The following ZSWIM4 variants were observed in gnomAD, a reference collection of about 807,000 sequenced individuals.
The protein encoded by ZSWIM4 is zinc finger SWIM domain-containing protein 4.
In ZSWIM4, 62 loss-of-function variants were observed where a neutral mutation model predicts 102.5. That is an observed-to-expected ratio of 0.60 (90% CI 0.49 to 0.75). The LOEUF is 0.75. Ranked by LOEUF, ZSWIM4 falls within the 30% of genes least tolerant of loss-of-function variation. The pLI is 0.00. For synonymous variants in ZSWIM4, 652 were observed against 674.5 expected (o/e 0.97, Z 0.52); for missense variants, 1,280 against 1,529.6 (o/e 0.84, Z 2.72).
At chr19:13,822,894 G>C (rs763519130) in intron 10 of ZSWIM4, among the ~76,000 whole-genome samples, 1 of 151,656 alleles carries the variant, frequency 6.6e-6, no homozygotes, top group Non-Finnish European at 1.5e-5. Context: ...CAAGAGAATC[G>C]TTTGAACCCA....
intron 2 of ZSWIM4, among the ~76,000 whole-genome samples, chr19:13,804,338 C>T (rs770565160): frequency 4.1e-5 from 5 of 122,906 alleles, no homozygotes; most frequent in Non-Finnish European, 6.6e-5. Flanking sequence ...GGCATGGTGG[C>T]GCATGCCTGT....
chr19:13,823,292 G>A lies in ZSWIM4; in HGVS notation c.2061-54G>A, dbSNP rs954159482. The A allele has an allele frequency of 2.6e-6, 4 of 1,562,420 alleles. No individual in the cohort carries two copies. In the East Asian group the frequency reaches 6.8e-5, roughly 26 times the overall value. ...CCAGGAGGCTTCTCTGTCTCCTAGA[G>A]AGAATGGGGACAGCAGCCCCTCCTC... On this transcript the variant is annotated intron_variant, in intron 10 of 13. Coordinates refer to ENST00000590508, the MANE Select transcript of ZSWIM4 (RefSeq NM_001367834.3).
Position 13,817,295 on chromosome 19 carries a change from C to A in ZSWIM4, c.1611C>A (p.Leu537=), listed in dbSNP as rs759094179. 200 of 1,613,986 alleles carry A rather than the reference C, an allele frequency of 1.2e-4. 2 individuals carry two copies. In the South Asian group the frequency reaches 2.1e-3, roughly 17 times the overall value. Reference sequence around the variant, plus strand: ...ACCCCCTGGACCCCATTGGCTGCCTCTGCAGGGCGCTCCTGGAGGCCTGTC... The same window carrying A: ...ACCCCCTGGACCCCATTGGCTGCCTATGCAGGGCGCTCCTGGAGGCCTGTC... ...VGHPLDPIGC[L]CRALLEACRL... is the part of the protein sequence containing the mutation. The change falls in exon 8 of 14, where the codon CTC becomes CTA. Residue 537 remains leucine, a synonymous_variant. Transcript: ENST00000590508.
Position 13,799,938 on chromosome 19 carries a change from C to G in ZSWIM4, c.355+17C>G, listed in dbSNP as rs372638029. 1,079 of 1,603,260 alleles carry G rather than the reference C, an allele frequency of 6.7e-4. 11 individuals are homozygous for G. The Middle Eastern group carries it at 9.6e-3, about 14-fold the overall frequency. On this transcript the variant is annotated intron_variant, in intron 2 of 13. Transcript: ENST00000590508. Reference sequence around the variant, plus strand: ...TGCAAGTGGGTGAGTCTTTGTCCCCCACTCCTGCTGGGGAGGCCAGGAGGT... The same window carrying G: ...TGCAAGTGGGTGAGTCTTTGTCCCCGACTCCTGCTGGGGAGGCCAGGAGGT...
intron 3 of ZSWIM4, among the ~76,000 whole-genome samples, chr19:13,805,709 C>T (rs1568330025): frequency 6.6e-6 from 1 of 151,940 alleles, no homozygotes; most frequent in East Asian, 2.0e-4. Context: ...CAGGGGCTCA[C>T]ACCTGTAATC....
chr19:13,814,683 C>T lies in ZSWIM4; in HGVS notation c.1349C>T (p.Thr450Ile). Residue 450 changes from threonine to isoleucine, a missense_variant, in exon 7 of 14, where the codon ACT (threonine) becomes ATT (isoleucine). By Grantham distance (89) the Thr-to-Ile change is moderately conservative. Coordinates refer to ENST00000590508, the MANE Select transcript of ZSWIM4 (RefSeq NM_001367834.3). ...LTGSVGGDKP[T>I]FDPQGRPLWL... ...GGCAGCGTGGGTGGGGACAAACCGACTTTCGACCCCCAGGGCCGCCCACTG... is the reference window on the plus strand; with the variant it reads ...GGCAGCGTGGGTGGGGACAAACCGATTTTCGACCCCCAGGGCCGCCCACTG... The T allele has an allele frequency of 7.8e-7, 1 of 1,283,504 alleles. No homozygotes were observed. The highest frequency in any genetic ancestry group is 5.7e-5 in the East Asian group (1 of 17,686). The allele number at this position is 1,283,504 out of a possible 1,614,324, so 79.5% of individuals were successfully genotyped here. A position where few individuals can be genotyped will look rare whatever the true frequency, so the allele number is the denominator to read the frequency against.
chr19:13,814,015 A>G (rs1021647628), intron 6 of ZSWIM4, among the ~76,000 whole-genome samples: 1 of 151,672 alleles, frequency 6.6e-6, no homozygotes, highest in African/African-American at 2.4e-5. Context: ...TCAGTTTCCT[A>G]TCAATGTGAT....
chr19:13,814,751 A>G lies in ZSWIM4; in HGVS notation c.1417A>G (p.Thr473Ala). ...PFPTACARVD[T>A]LRAHGYPRQA... ...CCCCACTGCCTGTGCCCGTGTGGACACCCTGCGTGCCCACGGATACCCCCG... is the reference window on the plus strand; with the variant it reads ...CCCCACTGCCTGTGCCCGTGTGGACGCCCTGCGTGCCCACGGATACCCCCG... The change falls in exon 7 of 14, where the codon ACC becomes GCC. Residue 473 changes from threonine to alanine, a missense_variant. By Grantham distance (58) the Thr-to-Ala change is moderately conservative. Coordinates refer to ENST00000590508, the MANE Select transcript of ZSWIM4 (RefSeq NM_001367834.3). 1 of 1,288,292 alleles carries G rather than the reference A, an allele frequency of 7.8e-7. No homozygotes were observed. Among genetic ancestry groups the G allele is most frequent in the Middle Eastern group, 2.1e-4 (1 of 4,688 alleles). 79.8% of individuals were successfully genotyped at this position (1,288,292 alleles called of 1,614,324 possible). A position where few individuals can be genotyped will look rare whatever the true frequency, so the allele number is the denominator to read the frequency against.
intron 2 of ZSWIM4, among the ~76,000 whole-genome samples, chr19:13,800,127 G>A (rs2145253510): frequency 1.3e-5 from 2 of 148,884 alleles, no homozygotes; most frequent in African/African-American, 5.0e-5. Flanking sequence ...GAGTGCAGTG[G>A]CGCGATCTCG....
rs1158109249 is a variant in ZSWIM4 at position 13,831,006 on chromosome 19, G to C, written c.3277G>C (p.Gly1093Arg). 3.9e-5 allele frequency: 63 copies of C among 1,607,946 alleles called. No individual in the cohort carries two copies. Among genetic ancestry groups the C allele is most frequent in the Non-Finnish European group, 5.3e-5 (63 of 1,177,638 alleles). ...GGAGAACCTCAAACAGACCTACAAG[G>C]GCAAGAAGAAACTCATGCTTTTGGT... ...FLENLKQTYK[G>R]KKKLMLLVRE... The change falls in exon 14 of 14, where the codon GGC becomes CGC. Residue 1093 changes from glycine to arginine, a missense_variant. Coordinates refer to ENST00000590508, the MANE Select transcript of ZSWIM4 (RefSeq NM_001367834.3).
rs1214847398 is a variant in ZSWIM4, at chr19:13,830,180, C to T, written c.2462-11C>T. ...GCTCCTGACGGATTTCCCTCCCTCACCTCCCACCAGGCCCGCAAGCCCTGA... is the reference window on the plus strand; with the variant it reads ...GCTCCTGACGGATTTCCCTCCCTCATCTCCCACCAGGCCCGCAAGCCCTGA... On this transcript the variant is annotated splice_polypyrimidine_tract_variant and intron_variant, in intron 13 of 13. Coordinates refer to ENST00000590508, the MANE Select transcript of ZSWIM4 (RefSeq NM_001367834.3). 1.2e-6 allele frequency: 2 copies of T among 1,602,792 alleles called. No individual in the cohort carries two copies. Among genetic ancestry groups the T allele is most frequent in the African/African-American group, 1.3e-5 (1 of 74,896 alleles).
chr19:13,802,484 G>A (rs1225187087), intron 2 of ZSWIM4, among the ~76,000 whole-genome samples: 3 of 151,616 alleles, frequency 2.0e-5, no homozygotes, highest in Admixed American at 1.3e-4. Context: ...AGAGGCTGAG[G>A]CAGGAGAATC....
Position 13,830,632 on chromosome 19 carries a change from GCT to G in ZSWIM4, c.2909_2910del (p.Leu970GlnfsTer195). The G allele has an allele frequency of 5.6e-6, 9 of 1,600,834 alleles. No homozygotes were observed. Among genetic ancestry groups the G allele is most frequent in the Non-Finnish European group, 7.6e-6 (9 of 1,179,782 alleles). ...GCCGTCAACGACGTGCTTTGGGCCT[GCT>G]CTCTCAGCCACTCCCTGGGCCGGCA... On this transcript the variant is annotated frameshift_variant, in exon 14 of 14. Transcript: ENST00000590508. LOFTEE classifies it high-confidence loss of function.
At chr19:13,829,790 C>A (rs377722315) in intron 13 of ZSWIM4, among the ~76,000 whole-genome samples, 40 of 151,694 alleles carry the variant, frequency 2.6e-4, no homozygotes, top group African/African-American at 4.1e-4. Flanking sequence ...GTGCCACTGC[C>A]CTCCAGCCTG....
At chr19:13,824,734 A>AAATAAT (rs59668197) in intron 11 of ZSWIM4, among the ~76,000 whole-genome samples, 2,217 of 146,750 alleles carry the variant, frequency 0.015, 21 homozygotes, top group African/African-American at 0.025. Flanking sequence ...CTCCATCTCA[A>AAATAAT]AATAATAATA....
chr19:13,819,471 G>A lies in ZSWIM4; in HGVS notation c.2039G>A (p.Arg680His), dbSNP rs199741112. Reference sequence around the variant, plus strand: ...CCTCATGACCCGGACCTGGCCTATCGCCTCGCGCTGCGAGCTATGAGGTGA... The same window carrying A: ...CCTCATGACCCGGACCTGGCCTATCACCTCGCGCTGCGAGCTATGAGGTGA... ...LLPHDPDLAYRLALRAMRLPI... is the reference protein window; with the variant it reads ...LLPHDPDLAYHLALRAMRLPI... Residue 680 changes from arginine to histidine, a missense_variant, in exon 10 of 14, where the codon CGC (arginine) becomes CAC (histidine). Physicochemically the swap from Arg to His is conservative, Grantham distance 29 (BLOSUM62 0). Coordinates refer to ENST00000590508, the MANE Select transcript of ZSWIM4 (RefSeq NM_001367834.3). 330 of 1,604,418 alleles carry A rather than the reference G, an allele frequency of 2.1e-4. 2 individuals carry two copies. In the East Asian group the frequency reaches 5.3e-3, roughly 26 times the overall value.
At chr19:13,807,131 T>C (rs893055347) in intron 3 of ZSWIM4, among the ~76,000 whole-genome samples, 27 of 151,714 alleles carry the variant, frequency 1.8e-4, no homozygotes, top group Admixed American at 1.6e-3. Flanking sequence ...AATGGACAAA[T>C]GGGCGGGTGG....
intron 3 of ZSWIM4, among the ~76,000 whole-genome samples, chr19:13,808,211 A>C (rs749475314): frequency 2.0e-5 from 3 of 152,134 alleles, no homozygotes; most frequent in Admixed American, 6.6e-5. Context: ...TCATAATTCA[A>C]CATGAGATTT....
At chr19:13,807,715 A>T (rs1002549054) in intron 3 of ZSWIM4, among the ~76,000 whole-genome samples, 10 of 148,402 alleles carry the variant, frequency 6.7e-5, no homozygotes, top group African/African-American at 2.5e-4. Flanking sequence ...AGATGGATGG[A>T]TGCATGGATG....
Sources: allele counts gnomAD v4.1 joint callset (sites outside exome capture counted in the v4.1 genomes callset), GRCh38; gene constraint gnomAD v4.1.1; transcripts MANE v1.5; gene names NCBI Gene and HGNC (gene_info 2026-07-23, HGNC 2026-07-21).